Variants in ISX observed in about 807,000 individuals in gnomAD.
ISX encodes the protein intestine-specific homeobox.
In ISX, 15 loss-of-function variants were observed where a neutral mutation model predicts 16.9. That is an observed-to-expected ratio of 0.89 (90% CI 0.59 to 1.36). The LOEUF is 1.36. Ranked by LOEUF, ISX falls within the 40% of genes most tolerant of loss-of-function variation. ISX has a pLI of 0.00. For synonymous variants in ISX, 125 were observed against 119.7 expected (o/e 1.04, Z -0.29); for missense variants, 316 against 306.1 (o/e 1.03, Z -0.24).
chr22:35,080,018 T>A (rs1490762838), intron 2 of ISX, among the ~76,000 whole-genome samples: 1 of 152,146 alleles, frequency 6.6e-6, no homozygotes, highest in East Asian at 1.9e-4. Flanking sequence ...TGTGGCCAGG[T>A]TCAAGGACCA....
rs144398029 is a variant in ISX, at chr22:35,082,622, C to A, written c.334C>A (p.Arg112Ser). ...TACCCACTACCCAGACGTTCACATC[C>A]GCAGCCAGCTGGCAGCCAGGATCAA... ...HFTHYPDVHIRSQLAARINLP... is the reference protein window; with the variant it reads ...HFTHYPDVHISSQLAARINLP... Residue 112 changes from arginine to serine, a missense_variant, in exon 3 of 5, where the codon CGC (arginine) becomes AGC (serine). Transcript: ENST00000404699. 2 of 1,614,042 alleles carry A rather than the reference C, an allele frequency of 1.2e-6. No homozygotes were observed. The highest frequency in any genetic ancestry group is 1.7e-6 in the Non-Finnish European group (2 of 1,180,034).
rs1188344271 is a variant in ISX at position 35,077,886 on chromosome 22, A to G, written c.230-4632A>G. On this transcript the variant is annotated intron_variant, in intron 2 of 4. Transcript: ENST00000404699. ...TAAAAGCTGCTCCTTTGGTTACACA[A>G]GTGGAAGCTTTGAAATATTTATTTT... 3.3e-5 allele frequency among the ~76,000 whole-genome samples: 5 copies of G among 152,204 alleles called. No homozygotes were observed. In the East Asian group the frequency reaches 9.6e-4, roughly 29 times the overall value.
chr22:35,076,979 G>T (rs1301732738), intron 2 of ISX, among the ~76,000 whole-genome samples: 2 of 152,126 alleles, frequency 1.3e-5, no homozygotes, highest in Non-Finnish European at 2.9e-5. Context: ...GCTGGGCTTT[G>T]ACCACCTGCT....
chr22:35,085,988 T>G lies in ISX; in HGVS notation c.*295T>G. The G allele has an allele frequency of 2.3e-6, 1 of 440,758 alleles. No homozygotes were observed. Among genetic ancestry groups the G allele is most frequent in the East Asian group, 4.7e-5 (1 of 21,460 alleles). 27.3% of individuals were successfully genotyped at this position (440,758 alleles called of 1,614,324 possible). On this transcript the variant is annotated 3_prime_UTR_variant, in exon 5 of 5. Coordinates refer to ENST00000404699, the MANE Select transcript of ISX (RefSeq NM_001303508.2). ...GGAGGTAATCCTCCAGCACCTGTGT[T>G]TCCTCTAACTTGCTGTGTGACCTCC... is the stretch of plus-strand genomic sequence containing the variant.
intron 2 of ISX, among the ~76,000 whole-genome samples, chr22:35,078,168 A>ATTTTT (rs5845208): frequency 3.8e-4 from 55 of 145,554 alleles, no homozygotes; most frequent in African/African-American, 7.6e-4. Flanking sequence ...CCCTTTTGTA[A>ATTTTT]TTTTTTTTTT....
At chr22:35,074,161 T>C (rs552344910) in intron 2 of ISX, among the ~76,000 whole-genome samples, 79 of 152,318 alleles carry the variant, frequency 5.2e-4, no homozygotes, top group Non-Finnish European at 8.1e-4. Context: ...CCTAATAGTT[T>C]CCAATAGCTC....
intron 2 of ISX, among the ~76,000 whole-genome samples, chr22:35,068,246 C>A (rs1928758875): frequency 6.6e-6 from 1 of 152,204 alleles, no homozygotes; most frequent in South Asian, 2.1e-4. Flanking sequence ...CTTTTCACCC[C>A]TTTTAATCCC....
In ISX at chr22:35,085,336, C is replaced by T. The variant is rs1421603753; in HGVS notation, c.499-118C>T. On this transcript the variant is annotated intron_variant, in intron 4 of 4. Coordinates refer to ENST00000404699, the MANE Select transcript of ISX (RefSeq NM_001303508.2). ...CTAAACCCAGAAGGTCCTGAGCAAACCAGAACAAGTGGATCACACTACCCA... is the reference window on the plus strand; with the variant it reads ...CTAAACCCAGAAGGTCCTGAGCAAATCAGAACAAGTGGATCACACTACCCA... 5 of 1,288,462 alleles carry T rather than the reference C, an allele frequency of 3.9e-6. No individual in the cohort carries two copies. The South Asian group carries it at 4.0e-5, about 10-fold the overall frequency. 79.8% of individuals were successfully genotyped at this position (1,288,462 alleles called of 1,614,324 possible).
At chr22:35,081,071 G>A (rs1929114214) in intron 2 of ISX, among the ~76,000 whole-genome samples, 1 of 152,240 alleles carries the variant, frequency 6.6e-6, no homozygotes, top group Non-Finnish European at 1.5e-5. Context: ...AAGCTAGCAA[G>A]TGGAATGAAG....
At chr22:35,071,733 G>A (rs1292067438) in intron 2 of ISX, among the ~76,000 whole-genome samples, 1 of 152,200 alleles carries the variant, frequency 6.6e-6, no homozygotes, top group African/African-American at 2.4e-5. Context: ...GCTATCTCAG[G>A]AGACTGGGAG....
chr22:35,071,619 C>T (rs1030755479), intron 2 of ISX, among the ~76,000 whole-genome samples: 2 of 152,126 alleles, frequency 1.3e-5, no homozygotes, highest in Non-Finnish European at 2.9e-5. Context: ...GATCTTATGC[C>T]CAGAGCCTTA....
intron 4 of ISX, 53 bp from the exon 5 acceptor site, chr22:35,085,401 C>A (rs1350848205): frequency 1.2e-6 from 2 of 1,607,798 alleles, no homozygotes; most frequent in Non-Finnish European, 1.7e-6. Flanking sequence ...CGCTGAGAAG[C>A]TGCAGAGACA....
Position 35,086,042 on chromosome 22 carries a change from A to T in ISX, c.*349A>T. 3.0e-6 allele frequency: 1 copy of T among 338,552 alleles called. No individual in the cohort carries two copies. Among genetic ancestry groups the T allele is most frequent in the Non-Finnish European group, 5.6e-6 (1 of 177,476 alleles). 21.0% of individuals were successfully genotyped at this position (338,552 alleles called of 1,614,324 possible). On this transcript the variant is annotated 3_prime_UTR_variant, in exon 5 of 5. Transcript: ENST00000404699. ...CGGTCACTCACCCTCTCTGGACCTCATCTGTAAGAGGAGCCAGCTGGATAA... is the reference window on the plus strand; with the variant it reads ...CGGTCACTCACCCTCTCTGGACCTCTTCTGTAAGAGGAGCCAGCTGGATAA...
chr22:35,070,532 C>T (rs1928821949), intron 2 of ISX, among the ~76,000 whole-genome samples: 1 of 152,222 alleles, frequency 6.6e-6, no homozygotes, highest in Admixed American at 6.5e-5. Flanking sequence ...CAGACCACCC[C>T]AGTGGGTAAA....
At chr22:35,082,374 A>T in intron 2 of ISX, 144 bp from the exon 3 acceptor site, 1 of 729,404 alleles carries the variant, frequency 1.4e-6, no homozygotes, top group Non-Finnish European at 2.3e-6. Flanking sequence ...GAAAGAGAAT[A>T]CTGTGAAGCT....
chr22:35,083,653 C>T (rs1176191349), intron 3 of ISX, among the ~76,000 whole-genome samples: 4 of 152,240 alleles, frequency 2.6e-5, no homozygotes, highest in Admixed American at 6.5e-5. Flanking sequence ...TGGACTCATT[C>T]TAATTCAAAA....
In ISX at chr22:35,066,878, G is replaced by T; in HGVS notation, c.-210G>T. On this transcript the variant is annotated 5_prime_UTR_variant, in exon 2 of 5. Transcript: ENST00000404699. ...CAAACTGGTAAGGGCTGAGCCGTGG[G>T]CACAGGATACCACTCCTTCCAGCTC... The T allele has an allele frequency of 1.8e-6, 1 of 560,952 alleles. No homozygotes were observed. The highest frequency in any genetic ancestry group is 3.2e-6 in the Non-Finnish European group (1 of 314,764). The allele number at this position is 560,952 out of a possible 1,614,324, so 34.7% of individuals were successfully genotyped here.
At chr22:35,070,375 C>T (rs1928817821) in intron 2 of ISX, among the ~76,000 whole-genome samples, 1 of 152,192 alleles carries the variant, frequency 6.6e-6, no homozygotes, top group African/African-American at 2.4e-5. Flanking sequence ...TAAGGGAGAC[C>T]CAGTCAGGAG....
intron 4 of ISX, 107 bp from the exon 5 acceptor site, chr22:35,085,347 G>A: frequency 7.3e-7 from 1 of 1,361,380 alleles, no homozygotes; most frequent in African/African-American, 1.4e-5. Flanking sequence ...CAGAACAAGT[G>A]GATCACACTA....
Sources: allele counts gnomAD v4.1 joint callset (sites outside exome capture counted in the v4.1 genomes callset), GRCh38; gene constraint gnomAD v4.1.1; transcripts MANE v1.5; gene names NCBI Gene and HGNC (gene_info 2026-07-23, HGNC 2026-07-21).